Variants in XRN1 observed in about 807,000 individuals in gnomAD.
XRN1 encodes the protein 5'-3' exoribonuclease 1, also known as strand-exchange protein 1 homolog.
A neutral mutation model predicts 222.3 loss-of-function variants in XRN1; 67 were observed. That is an observed-to-expected ratio of 0.30 (90% CI 0.25 to 0.37). The LOEUF is 0.37. XRN1 is among the 10% of genes least tolerant of loss of function. XRN1 has a pLI of 1.00. For synonymous variants in XRN1, 643 were observed against 652.4 expected (o/e 0.99, Z 0.22); for missense variants, 1,707 against 2,000.2 (o/e 0.85, Z 2.80).
intron 1 of XRN1, among the ~76,000 whole-genome samples, chr3:142,434,479 T>A (rs557295446): frequency 6.0e-4 from 90 of 149,134 alleles, no homozygotes; most frequent in African/African-American, 2.0e-3. Context: ...GGCCTCAGCA[T>A]CAACGACTTG....
At chr3:142,353,531 A>G (rs1200694794) in intron 32 of XRN1, among the ~76,000 whole-genome samples, 1 of 152,236 alleles carries the variant, frequency 6.6e-6, no homozygotes. Flanking sequence ...ATAAAATGGC[A>G]TACTTACAAC....
At position 142,380,095 on chromosome 3, in the gene XRN1, A is replaced by T; in HGVS notation, c.2702T>A (p.Ile901Lys). Residue 901 changes from isoleucine (I) to lysine (K), a missense_variant, in exon 23 of 41, where the codon ATA becomes AAA. By Grantham distance (102) the Ile-to-Lys change is moderately radical (BLOSUM62 -3). Coordinates refer to ENST00000392981, the MANE Select transcript of XRN1 (RefSeq NM_001282857.2). The part of the protein sequence containing the change: ...IPCEPNLDAL[I>K]QNQHKYSIKY... ...TACTGTACTCACATGCTGGTTCTGT[A>T]TTAAAGCATCAAGATTGGGTTCACA... 4 of 1,613,828 alleles carry T rather than the reference A, an allele frequency of 2.5e-6. No individual in the cohort carries two copies. Among genetic ancestry groups the T allele is most frequent in the Non-Finnish European group, 3.4e-6 (4 of 1,179,794 alleles).
At chr3:142,428,479 T>C (rs909989180) in intron 2 of XRN1, among the ~76,000 whole-genome samples, 5 of 151,986 alleles carry the variant, frequency 3.3e-5, no homozygotes, top group Non-Finnish European at 5.9e-5. Flanking sequence ...TAATGTTTAA[T>C]CTGGATGCAA....
intron 36 of XRN1, among the ~76,000 whole-genome samples, chr3:142,330,054 AT>A (rs1300238077): frequency 6.6e-6 from 1 of 152,230 alleles, no homozygotes; most frequent in Non-Finnish European, 1.5e-5. Flanking sequence ...TAAGATAAAG[AT>A]TTTAAAATAT....
intron 33 of XRN1, among the ~76,000 whole-genome samples, chr3:142,337,492 A>C (rs978360549): frequency 6.6e-6 from 1 of 152,218 alleles, no homozygotes; most frequent in African/African-American, 2.4e-5. Flanking sequence ...TAAATAAACG[A>C]ATAACAAATG....
intron 23 of XRN1, among the ~76,000 whole-genome samples, chr3:142,379,434 C>T (rs1486857283): frequency 6.6e-6 from 1 of 152,114 alleles, no homozygotes; most frequent in Non-Finnish European, 1.5e-5. Flanking sequence ...GTAAGTGCTC[C>T]ATCAAAATGG....
At chr3:142,363,148 C>T (rs545811905) in intron 29 of XRN1, among the ~76,000 whole-genome samples, 48 of 152,036 alleles carry the variant, frequency 3.2e-4, no homozygotes, top group South Asian at 6.2e-4. Flanking sequence ...AAGATTTTCT[C>T]CTAAAAGTTC....
At chr3:142,311,941 ATT>A in intron 40 of XRN1, 128 bp from the exon 41 acceptor site, 2 of 942,182 alleles carry the variant, frequency 2.1e-6, no homozygotes, top group Non-Finnish European at 3.1e-6. Context: ...TCCACTTATA[ATT>A]GCCAAGTAAG....
At chr3:142,443,207 C>T (rs1047004902) in intron 1 of XRN1, among the ~76,000 whole-genome samples, 1 of 152,116 alleles carries the variant, frequency 6.6e-6, no homozygotes, top group South Asian at 2.1e-4. Flanking sequence ...TCAAAGGCAC[C>T]CCTCCCGAGG....
At chr3:142,403,417 A>C (rs2068219833) in intron 18 of XRN1, among the ~76,000 whole-genome samples, 1 of 152,150 alleles carries the variant, frequency 6.6e-6, no homozygotes, top group South Asian at 2.1e-4. Context: ...CTCATTTACA[A>C]GTCTATACTT....
At chr3:142,426,715 T>C (rs1420952364) in intron 3 of XRN1, 29 bp downstream of exon 3, 2 of 1,566,786 alleles carry the variant, frequency 1.3e-6, no homozygotes, top group Non-Finnish European at 1.7e-6. Context: ...ATTTCAATTC[T>C]GTCATAATTT....
chr3:142,348,748 C>G (rs952345453), intron 32 of XRN1, among the ~76,000 whole-genome samples: 7 of 152,234 alleles, frequency 4.6e-5, no homozygotes, highest in Admixed American at 4.6e-4. Flanking sequence ...CCAAGGAAGA[C>G]CTAATGAGAT....
intron 1 of XRN1, among the ~76,000 whole-genome samples, chr3:142,441,531 T>C (rs1411344052): frequency 1.3e-5 from 2 of 152,224 alleles, no homozygotes; most frequent in African/African-American, 2.4e-5. Context: ...ACTGATGTAG[T>C]GGCAAAGGGT....
intron 21 of XRN1, among the ~76,000 whole-genome samples, chr3:142,383,758 T>C (rs916854332): frequency 6.6e-6 from 1 of 152,190 alleles, no homozygotes; most frequent in Non-Finnish European, 1.5e-5. Context: ...CTTAAGTCAC[T>C]TAATCACTAC....
intron 19 of XRN1, among the ~76,000 whole-genome samples, chr3:142,399,660 C>T (rs2068053894): frequency 6.6e-6 from 1 of 151,330 alleles, no homozygotes; most frequent in Admixed American, 6.6e-5. Flanking sequence ...AAAGCAGATG[C>T]CAACAAAGGA....
rs765119692 is a variant in XRN1 at position 142,447,951 on chromosome 3, C to T, written c.-7G>A. ...AAAACTTGGGGACTCCCATTTCGAT[C>T]GTCAACACTAATCCCAGTCAGGGCC... On this transcript the variant is annotated 5_prime_UTR_variant, in exon 1 of 41. Transcript: ENST00000392981. This position sits in a 1 kb window ranked among gnomAD's most constrained non-coding sequence, Gnocchi z 4.2. The T allele has an allele frequency of 5.6e-6, 9 of 1,613,596 alleles. No individual in the cohort carries two copies. The Admixed American group carries it at 1.2e-4, about 21-fold the overall frequency.
intron 13 of XRN1, among the ~76,000 whole-genome samples, chr3:142,415,964 A>G (rs544533857): frequency 1.3e-5 from 2 of 152,256 alleles, no homozygotes; most frequent in South Asian, 4.1e-4. Flanking sequence ...TCTCCATAAA[A>G]GCAAATAATT....
chr3:142,379,435 A>G (rs1263593401), intron 23 of XRN1, among the ~76,000 whole-genome samples: 2 of 152,240 alleles, frequency 1.3e-5, no homozygotes, highest in East Asian at 3.8e-4. Context: ...TAAGTGCTCC[A>G]TCAAAATGGA....
intron 34 of XRN1, among the ~76,000 whole-genome samples, chr3:142,333,859 A>G (rs2065772908): frequency 6.6e-6 from 1 of 152,190 alleles, no homozygotes; most frequent in South Asian, 2.1e-4. Context: ...TTCTAACTGT[A>G]TTTCAATATA....
Sources: gnomAD v4.1 joint callset for allele counts (sites outside exome capture counted in the v4.1 genomes callset) on GRCh38, gnomAD v4.1.1 for gene constraint, Gnocchi (gnomAD v3.1) non-coding constraint, MANE v1.5 for transcripts, NCBI Gene and HGNC (gene_info 2026-07-23, HGNC 2026-07-21) for gene names.